KLHL4: variants seen among roughly 807,000 people sequenced by gnomAD.
The protein encoded by KLHL4 is kelch like family member 4.
KLHL4 carries 17 observed loss-of-function variants against 45.8 expected under a neutral mutation model. The observed-to-expected ratio is 0.37, with a 90% confidence interval of 0.25 to 0.56. The LOEUF (loss-of-function observed/expected upper bound fraction) is 0.56. KLHL4 is among the 20% of genes least tolerant of loss of function. The probability of loss-of-function intolerance (pLI) is 0.79; values close to 1 mark genes in which losing one functional copy is unlikely to be tolerated. For missense variants in KLHL4, 544 were observed against 544.9 expected (o/e 1.00, Z 0.02); for synonymous variants, 224 against 189.9 (o/e 1.18, Z -1.47).
intron 9 of KLHL4, among the ~76,000 whole-genome samples, chrX:87,660,240 A>C (rs918462428): frequency 2.7e-5 from 3 of 111,639 alleles, no homozygotes; most frequent in East Asian, 5.7e-4. Flanking sequence ...CTACCAGAGA[A>C]TGTACACAGA....
intron 6 of KLHL4, among the ~76,000 whole-genome samples, chrX:87,629,043 A>G (rs999192345): frequency 8.9e-6 from 1 of 112,003 alleles, no homozygotes; most frequent in African/African-American, 3.2e-5. Context: ...GGTAAAGGCT[A>G]ATACTGTCGC....
intron 1 of KLHL4, among the ~76,000 whole-genome samples, chrX:87,604,577 G>A (rs1356599671): frequency 9.1e-6 from 1 of 110,312 alleles, no homozygotes; most frequent in Non-Finnish European, 1.9e-5. Context: ...CCATTTTTGT[G>A]ACATGACTAT....
intron 1 of KLHL4, among the ~76,000 whole-genome samples, chrX:87,612,943 G>C (rs1188647478): frequency 1.8e-5 from 2 of 111,320 alleles, no homozygotes; most frequent in Non-Finnish European, 3.8e-5. Context: ...TCTGAAGGGA[G>C]GTAGCAGGCA....
At chrX:87,663,408 C>A (rs932506836) in intron 9 of KLHL4, among the ~76,000 whole-genome samples, 1 of 112,044 alleles carries the variant, frequency 8.9e-6, no homozygotes, top group Non-Finnish European at 1.9e-5. Context: ...ACCATATTAC[C>A]AATTAGTTTT....
chrX:87,561,683 T>C (rs775065006), intron 1 of KLHL4, among the ~76,000 whole-genome samples: 14 of 110,787 alleles, frequency 1.3e-4, no homozygotes, highest in African/African-American at 4.6e-4. Context: ...AAGGAGTGCT[T>C]GTGTCACTGT....
chrX:87,625,571 G>T (rs750023093), intron 5 of KLHL4, 39 bp from the exon 6 acceptor site: 2 of 1,074,614 alleles, frequency 1.9e-6, no homozygotes, highest in Admixed American at 5.1e-5. Context: ...TTCTAATGGT[G>T]AACTCTCCAT....
At chrX:87,534,089 G>A (rs1391808499) in intron 1 of KLHL4, among the ~76,000 whole-genome samples, 2 of 111,377 alleles carry the variant, frequency 1.8e-5, no homozygotes, top group African/African-American at 6.5e-5. Context: ...AAGAAAACAC[G>A]TTTGTTAAAT....
rs569824064 is a variant in KLHL4 at position 87,568,598 on chromosome X, A to T, written c.423-45279A>T. Among the ~76,000 whole-genome samples, 42 of 110,471 alleles carry T rather than the reference A, an allele frequency of 3.8e-4. No homozygotes were observed. The South Asian group carries it at 0.011, about 29-fold the overall frequency. On this transcript the variant is annotated intron_variant, in intron 1 of 10. Transcript: ENST00000373119. ...AAATATGTATAGTACTTTCATAAGGATAAAAAGCTTACAGTAATCAAATAT... is the reference window on the plus strand; with the variant it reads ...AAATATGTATAGTACTTTCATAAGGTTAAAAAGCTTACAGTAATCAAATAT...
At chrX:87,634,174 G>A (rs1483637718) in intron 8 of KLHL4, among the ~76,000 whole-genome samples, 1 of 111,762 alleles carries the variant, frequency 8.9e-6, no homozygotes, top group Admixed American at 9.5e-5. Flanking sequence ...TAGAAATGCT[G>A]AATCCTAGCC....
At chrX:87,532,299 G>T (rs1931309621) in intron 1 of KLHL4, among the ~76,000 whole-genome samples, 2 of 110,809 alleles carry the variant, frequency 1.8e-5, no homozygotes, top group Admixed American at 9.7e-5. Context: ...CTATATTTCT[G>T]TTTTGGTACC....
intron 9 of KLHL4, among the ~76,000 whole-genome samples, chrX:87,656,692 T>G (rs1602468486): frequency 9.0e-6 from 1 of 110,885 alleles, no homozygotes; most frequent in South Asian, 3.8e-4. Flanking sequence ...TGAAATTTCA[T>G]GTATTTCATT....
intron 1 of KLHL4, among the ~76,000 whole-genome samples, chrX:87,586,258 G>A (rs1921467041): frequency 9.0e-6 from 1 of 110,843 alleles, no homozygotes; most frequent in Non-Finnish European, 1.9e-5. Flanking sequence ...GACTTAATCT[G>A]CACTGAAGAA....
chrX:87,633,716 A>T, intron 7 of KLHL4, 33 bp from the exon 8 acceptor site: 1 of 1,103,024 alleles, frequency 9.1e-7, no homozygotes, highest in South Asian at 2.2e-5. Context: ...TGGCATACCT[A>T]GGTGAACCCA....
In KLHL4 at chrX:87,613,799, G is replaced by T. The variant is rs1445227918; in HGVS notation, c.423-78G>T. ...ATGCCTAAATTTCCACTACATGTTTGTACTCTCATTAGAGAAAAATTAAAT... is the reference window on the plus strand; with the variant it reads ...ATGCCTAAATTTCCACTACATGTTTTTACTCTCATTAGAGAAAAATTAAAT... On this transcript the variant is annotated intron_variant, in intron 1 of 10. Coordinates refer to ENST00000373119, the MANE Select transcript of KLHL4 (RefSeq NM_019117.5). 4 of 722,982 alleles carry T rather than the reference G, an allele frequency of 5.5e-6. No individual in the cohort carries two copies. The Admixed American group carries it at 1.6e-4, about 29-fold the overall frequency. The allele number at this position is 722,982 out of a possible 1,213,427, so 59.6% of individuals were successfully genotyped here.
At chrX:87,532,336 A>G (rs1473675986) in intron 1 of KLHL4, among the ~76,000 whole-genome samples, 1 of 110,507 alleles carries the variant, frequency 9.0e-6, no homozygotes, top group African/African-American at 3.3e-5. Flanking sequence ...GGTTACTGTA[A>G]CCTTGTAGTG....
At chrX:87,653,672 T>C (rs1482733977) in intron 9 of KLHL4, among the ~76,000 whole-genome samples, 2 of 111,551 alleles carry the variant, frequency 1.8e-5, no homozygotes, top group Non-Finnish European at 3.8e-5. Context: ...ATAAAGATAC[T>C]CACATGCATA....
chrX:87,591,236 T>G (rs1219521166), intron 1 of KLHL4, among the ~76,000 whole-genome samples: 1 of 112,044 alleles, frequency 8.9e-6, no homozygotes, highest in South Asian at 3.7e-4. Context: ...TTCCCAACAT[T>G]AGTGATGTTA....
At chrX:87,578,362 A>G (rs1921161160) in intron 1 of KLHL4, among the ~76,000 whole-genome samples, 1 of 111,851 alleles carries the variant, frequency 8.9e-6, no homozygotes, top group Admixed American at 9.5e-5. Context: ...GCAATGTGAG[A>G]AATTTAAGAA....
chrX:87,588,613 A>G (rs1921556037), intron 1 of KLHL4, among the ~76,000 whole-genome samples: 1 of 111,095 alleles, frequency 9.0e-6, no homozygotes, highest in Non-Finnish European at 1.9e-5. Flanking sequence ...CTAAAACTAG[A>G]CCCTCATATC....
Sources: gnomAD v4.1 joint callset for allele counts (sites outside exome capture counted in the v4.1 genomes callset) on GRCh38, gnomAD v4.1.1 for gene constraint, MANE v1.5 for transcripts, NCBI Gene and HGNC (gene_info 2026-07-23, HGNC 2026-07-21) for gene names.